SORCS2: variants seen among roughly 807,000 people sequenced by gnomAD.
SORCS2 encodes the protein VPS10 domain-containing receptor SorCS2.
Under a neutral mutation model 141.6 loss-of-function variants are expected in SORCS2, and 100 were observed. The ratio of observed to expected loss-of-function variants is 0.71; its 90% confidence interval spans 0.60 to 0.83. The LOEUF (loss-of-function observed/expected upper bound fraction) is 0.83. Among genes scored for constraint, SORCS2 ranks in the 40% least tolerant of loss-of-function variants. SORCS2 has a pLI of 0.00. For synonymous variants in SORCS2, 789 were observed against 676.9 expected, an observed-to-expected ratio of 1.17 and a Z score of -2.57; for missense variants, 1,646 against 1,560.2, an observed-to-expected ratio of 1.05 and a Z score of -0.93.
At chr4:7,593,418 G>A (rs1717045282) in intron 3 of SORCS2, among the ~76,000 whole-genome samples, 1 of 152,216 alleles carries the variant, frequency 6.6e-6, no homozygotes, top group Non-Finnish European at 1.5e-5. Context: ...GGCTGTGACA[G>A]GTGCCTGCAG....
intron 1 of SORCS2, among the ~76,000 whole-genome samples, chr4:7,297,708 G>C (rs533667934): frequency 2.5e-4 from 38 of 152,340 alleles, no homozygotes; most frequent in African/African-American, 8.4e-4. Context: ...CCGTGTAGAA[G>C]GGACTTAGAC....
intron 11 of SORCS2, among the ~76,000 whole-genome samples, chr4:7,694,725 G>A (rs11722283): frequency 0.3 from 46,031 of 151,974 alleles, 7,174 homozygotes; most frequent in South Asian, 0.48. Context: ...AGCAGCCATC[G>A]CTCAGCACCT....
intron 3 of SORCS2, among the ~76,000 whole-genome samples, chr4:7,551,297 CA>C (rs2109633518): frequency 6.8e-6 from 1 of 147,460 alleles, no homozygotes; most frequent in Admixed American, 6.8e-5. Context: ...CTTCTTCTTC[CA>C]GTTTGGTTCA....
intron 2 of SORCS2, among the ~76,000 whole-genome samples, chr4:7,517,506 G>T (rs779626505): frequency 6.6e-6 from 1 of 152,118 alleles, no homozygotes; most frequent in African/African-American, 2.4e-5. Flanking sequence ...ACTGCCTTCA[G>T]CAGAAACCGA....
At chr4:7,606,160 C>G (rs1214095320) in intron 3 of SORCS2, among the ~76,000 whole-genome samples, 1 of 152,176 alleles carries the variant, frequency 6.6e-6, no homozygotes, top group African/African-American at 2.4e-5. Flanking sequence ...GACTGAGTTT[C>G]AGTGCCTTAG....
At chr4:7,261,814 G>A (rs531514793) in intron 1 of SORCS2, among the ~76,000 whole-genome samples, 157 of 152,322 alleles carry the variant, frequency 1.0e-3, no homozygotes, top group Non-Finnish European at 1.7e-3. Flanking sequence ...CTTTGCCTGG[G>A]GAAGGGGCCC....
chr4:7,218,359 G>A (rs1728500986), intron 1 of SORCS2, among the ~76,000 whole-genome samples: 1 of 152,158 alleles, frequency 6.6e-6, no homozygotes, highest in Non-Finnish European at 1.5e-5. Context: ...ATTAGTTTCA[G>A]GTGGAAGCCT....
At chr4:7,466,519 C>T (rs1268484387) in intron 2 of SORCS2, among the ~76,000 whole-genome samples, 2 of 152,184 alleles carry the variant, frequency 1.3e-5, no homozygotes, top group Non-Finnish European at 2.9e-5. Flanking sequence ...TCATCTCTAA[C>T]ACAGGCACAC....
At position 7,715,227 on chromosome 4, in the gene SORCS2, A is replaced by C. The variant is rs1726111220; in HGVS notation, c.2168A>C (p.Asn723Thr). ...ERSSSSESST[N>T]KCSANFWFNP... ...TCCTCCTCCTCAGAGTCCAGCACCAACAAGTGCTCTGCCAACTTCTGGTTT... is the reference window on the plus strand; with the variant it reads ...TCCTCCTCCTCAGAGTCCAGCACCACCAAGTGCTCTGCCAACTTCTGGTTT... Residue 723 changes from asparagine to threonine, a missense_variant, in exon 17 of 27, where the codon AAC becomes ACC. By Grantham distance (65) the Asn-to-Thr change is moderately conservative (BLOSUM62 0). Coordinates refer to ENST00000507866, the MANE Select transcript of SORCS2 (RefSeq NM_020777.3). The C allele has an allele frequency of 1.2e-6, 2 of 1,613,908 alleles. No individual in the cohort carries two copies. Among genetic ancestry groups the C allele is most frequent in the Non-Finnish European group, 1.7e-6 (2 of 1,179,852 alleles).
chr4:7,531,482 C>T (rs534561710), intron 2 of SORCS2, 48 bp from the exon 3 acceptor site: 7 of 1,578,148 alleles, frequency 4.4e-6, no homozygotes, highest in Middle Eastern at 1.7e-4. Flanking sequence ...CTGACGAAGG[C>T]CACACTTGGA....
chr4:7,704,072 G>A, intron 13 of SORCS2, 105 bp from the exon 14 acceptor site: 1 of 891,496 alleles, frequency 1.1e-6, no homozygotes, highest in Non-Finnish European at 1.8e-6. Flanking sequence ...TGGCAAGGTT[G>A]GCTAGTGCAG....
At chr4:7,265,221 G>A (rs1012995656) in intron 1 of SORCS2, among the ~76,000 whole-genome samples, 20 of 152,332 alleles carry the variant, frequency 1.3e-4, no homozygotes, top group Middle Eastern at 3.4e-3. Flanking sequence ...GGCTGGGCAC[G>A]ATGGCTCATG....
chr4:7,477,067 C>CTG (rs1730342718), intron 2 of SORCS2, among the ~76,000 whole-genome samples: 1 of 152,252 alleles, frequency 6.6e-6, no homozygotes, highest in South Asian at 2.1e-4. Flanking sequence ...GGCCTTGCAG[C>CTG]TGTCAGTGAC....
intron 19 of SORCS2, among the ~76,000 whole-genome samples, chr4:7,724,858 G>A (rs1393551666): frequency 2.0e-5 from 2 of 100,140 alleles, no homozygotes; most frequent in African/African-American, 7.6e-5. Flanking sequence ...TGGTAGTGGT[G>A]ATGGTGGTGG....
chr4:7,696,905 C>G (rs1724747280), intron 11 of SORCS2, among the ~76,000 whole-genome samples: 1 of 152,252 alleles, frequency 6.6e-6, no homozygotes, highest in African/African-American at 2.4e-5. Flanking sequence ...TAGCCACACT[C>G]CATGCTTCTT....
At chr4:7,401,792 C>A (rs999882054) in intron 2 of SORCS2, among the ~76,000 whole-genome samples, 7 of 152,170 alleles carry the variant, frequency 4.6e-5, no homozygotes, top group African/African-American at 1.7e-4. Flanking sequence ...CAGGGGCAGT[C>A]TCAGGATAAT....
rs1206842385 is a variant in SORCS2, at chr4:7,286,873, C to A, written c.480+93747C>A. Among the ~76,000 whole-genome samples, 1 of 152,064 alleles carries A rather than the reference C, an allele frequency of 6.6e-6. No homozygotes were observed. Among genetic ancestry groups the A allele is most frequent in the Non-Finnish European group, 1.5e-5 (1 of 68,032 alleles). On this transcript the variant is annotated intron_variant, in intron 1 of 26. Coordinates refer to ENST00000507866, the MANE Select transcript of SORCS2 (RefSeq NM_020777.3). The surrounding 1 kb of genome is among the most constrained non-coding windows in gnomAD (Gnocchi z 4.1). ...ATGGAAGGTCCCAAGAGGAAAGTGT[C>A]CTGACGGAGCTTCAGTAGCTGAAAG...
chr4:7,700,123 C>A (rs886285305), intron 12 of SORCS2, among the ~76,000 whole-genome samples: 1 of 152,220 alleles, frequency 6.6e-6, no homozygotes, highest in Non-Finnish European at 1.5e-5. Context: ...AGGCCTTTGC[C>A]CCTCTGTCTC....
intron 10 of SORCS2, among the ~76,000 whole-genome samples, chr4:7,684,229 C>T (rs1464408480): frequency 6.6e-6 from 1 of 152,208 alleles, no homozygotes; most frequent in African/African-American, 2.4e-5. Context: ...ACTATGTGAT[C>T]TTGGCTACAT....
Sources: gnomAD v4.1 joint callset for allele counts (sites outside exome capture counted in the v4.1 genomes callset) on GRCh38, gnomAD v4.1.1 for gene constraint, Gnocchi (gnomAD v3.1) non-coding constraint, MANE v1.5 for transcripts, NCBI Gene and HGNC (gene_info 2026-07-23, HGNC 2026-07-21) for gene names.